Variants in YPEL2 observed in about 807,000 individuals in gnomAD.
The protein encoded by YPEL2 is protein yippee-like 2.
Under a neutral mutation model 19.1 loss-of-function variants are expected in YPEL2, and 2 were observed. The ratio of observed to expected loss-of-function variants is 0.10; its 90% CI spans 0.04 to 0.33. The LOEUF (loss-of-function observed/expected upper bound fraction) is 0.33. YPEL2 is among the 10% of genes least tolerant of loss of function. The pLI is 1.00. For synonymous variants in YPEL2, 52 were observed against 50.0 expected (o/e 1.04, Z -0.17); for missense variants, 66 against 140.7 (o/e 0.47, Z 2.68).
intron 2 of YPEL2, among the ~76,000 whole-genome samples, chr17:59,372,691 C>T (rs1186747848): frequency 1.3e-5 from 2 of 152,322 alleles, no homozygotes; most frequent in East Asian, 1.9e-4. Flanking sequence ...AGACAATGCT[C>T]ACCACACAAA....
intron 1 of YPEL2, among the ~76,000 whole-genome samples, chr17:59,345,688 A>G (rs1466791768): frequency 1.3e-5 from 2 of 152,142 alleles, no homozygotes; most frequent in African/African-American, 2.4e-5. Context: ...CCGTGAGTCA[A>G]CCTGGGGGAC....
chr17:59,397,240 A>T lies in YPEL2; in HGVS notation c.*50A>T. On this transcript the variant is annotated 3_prime_UTR_variant, in exon 5 of 5. Coordinates refer to ENST00000312655, the MANE Select transcript of YPEL2 (RefSeq NM_001005404.4). The stretch of plus-strand genomic sequence containing the variant: ...TGTCCACGTGAACGCCATTCAACCG[A>T]ACATTCTTCCCAAGCGTGAGAGAGT... 2.1e-6 allele frequency: 3 copies of T among 1,434,836 alleles called. No homozygotes were observed. The highest frequency in any genetic ancestry group is 2.8e-6 in the Non-Finnish European group (3 of 1,053,306). 88.9% of individuals were successfully genotyped at this position (1,434,836 alleles called of 1,614,324 possible). A position where few individuals can be genotyped will look rare whatever the true frequency, so the allele number is the denominator to read the frequency against.
At chr17:59,383,874 G>A (rs749808280) in intron 2 of YPEL2, among the ~76,000 whole-genome samples, 1 of 151,784 alleles carries the variant, frequency 6.6e-6, no homozygotes, top group African/African-American at 2.4e-5. Flanking sequence ...TTATTACAGA[G>A]TAGTAGTATA....
chr17:59,343,479 T>C (rs2047741733), intron 1 of YPEL2, among the ~76,000 whole-genome samples: 1 of 152,060 alleles, frequency 6.6e-6, no homozygotes, highest in African/African-American at 2.4e-5. Flanking sequence ...AAATTAAGTT[T>C]TTTGTGTGCT....
intron 4 of YPEL2, among the ~76,000 whole-genome samples, chr17:59,390,422 G>A (rs796791308): frequency 1.3e-5 from 2 of 152,126 alleles, no homozygotes; most frequent in African/African-American, 4.8e-5. Context: ...GATTATAGGC[G>A]TGAGCCACAC....
chr17:59,344,340 A>G (rs1467068390), intron 1 of YPEL2, among the ~76,000 whole-genome samples: 2 of 152,322 alleles, frequency 1.3e-5, no homozygotes, highest in Admixed American at 6.5e-5. Flanking sequence ...TGGAAGGAGA[A>G]CAGCCGGGGA....
intron 1 of YPEL2, among the ~76,000 whole-genome samples, chr17:59,333,490 C>G (rs1013609964): frequency 5.3e-5 from 8 of 152,184 alleles, no homozygotes; most frequent in Non-Finnish European, 1.0e-4. Context: ...TCCTTCTTCC[C>G]TCTAGGAGCA....
intron 4 of YPEL2, among the ~76,000 whole-genome samples, chr17:59,393,746 T>C (rs2048021236): frequency 6.7e-6 from 1 of 149,266 alleles, no homozygotes; most frequent in African/African-American, 2.5e-5. Flanking sequence ...AAGCATCTGT[T>C]TAACAAAGCA....
At position 59,361,295 on chromosome 17, in the gene YPEL2, CTGTG is replaced by C. The variant is rs145880329; in HGVS notation, c.117+7778_117+7781del. Among the ~76,000 whole-genome samples the C allele has an allele frequency of 5.3e-5, 8 of 152,090 alleles. No individual in the cohort carries two copies. The South Asian group carries it at 8.3e-4, about 16-fold the overall frequency. ...TTTGCACAAATACTAATTACGTACTCTGTGTGTGTGTGCGCGTGCATGCACATAG... is the reference window on the plus strand; with the variant it reads ...TTTGCACAAATACTAATTACGTACTCTGTGTGTGCGCGTGCATGCACATAG... On this transcript the variant is annotated intron_variant, in intron 2 of 4. Coordinates refer to ENST00000312655, the MANE Select transcript of YPEL2 (RefSeq NM_001005404.4).
intron 4 of YPEL2, among the ~76,000 whole-genome samples, chr17:59,394,058 C>T (rs1007817165): frequency 1.7e-4 from 26 of 152,274 alleles, no homozygotes; most frequent in African/African-American, 5.5e-4. Context: ...GGTGGCCGGG[C>T]AGAGGGGCTT....
intron 2 of YPEL2, among the ~76,000 whole-genome samples, chr17:59,373,280 T>A (rs759360837): frequency 4.8e-4 from 73 of 152,184 alleles, no homozygotes; most frequent in Non-Finnish European, 9.0e-4. Flanking sequence ...TGAGGAGTCC[T>A]TAGCAGCAAA....
chr17:59,381,159 A>G (rs2047947063), intron 2 of YPEL2, among the ~76,000 whole-genome samples: 1 of 152,254 alleles, frequency 6.6e-6, no homozygotes, highest in African/African-American at 2.4e-5. Context: ...TGACTCTTCC[A>G]GGGTCAAGTA....
chr17:59,371,241 A>G (rs915146887), intron 2 of YPEL2, among the ~76,000 whole-genome samples: 3 of 152,146 alleles, frequency 2.0e-5, no homozygotes. Flanking sequence ...AGCTTCTAAC[A>G]GTAGGGAAGG....
At chr17:59,396,049 C>T (rs1293708729) in intron 4 of YPEL2, among the ~76,000 whole-genome samples, 1 of 152,112 alleles carries the variant, frequency 6.6e-6, no homozygotes, top group East Asian at 1.9e-4. Context: ...CCACTGCACT[C>T]CAGCCTGGGC....
At position 59,397,327 on chromosome 17, in the gene YPEL2, C is replaced by T. The variant is rs367641230; in HGVS notation, c.*137C>T. On this transcript the variant is annotated 3_prime_UTR_variant, in exon 5 of 5. Coordinates refer to ENST00000312655, the MANE Select transcript of YPEL2 (RefSeq NM_001005404.4). ...CATCCGGGGCATCCTCCCACCCTGACGCCATCTTTCTGGTGACCGGCCTCT... is the reference window on the plus strand; with the variant it reads ...CATCCGGGGCATCCTCCCACCCTGATGCCATCTTTCTGGTGACCGGCCTCT... 106 of 525,426 alleles carry T rather than the reference C, an allele frequency of 2.0e-4. No homozygotes were observed. The South Asian group carries it at 3.5e-3, about 17-fold the overall frequency. The allele number at this position is 525,426 out of a possible 1,614,324, so 32.5% of individuals were successfully genotyped here. A position where few individuals can be genotyped will look rare whatever the true frequency, so the allele number is the denominator to read the frequency against.
intron 1 of YPEL2, among the ~76,000 whole-genome samples, chr17:59,336,354 T>C (rs1429559745): frequency 1.3e-5 from 2 of 152,214 alleles, no homozygotes; most frequent in African/African-American, 4.8e-5. Context: ...AACTCTTACC[T>C]ACCCCAGTAA....
Position 59,353,141 on chromosome 17 carries a change from A to C in YPEL2, c.-195-74A>C. 1 of 300,762 alleles carries C rather than the reference A, an allele frequency of 3.3e-6. No homozygotes were observed. Among genetic ancestry groups the C allele is most frequent in the South Asian group, 8.2e-5 (1 of 12,130 alleles). The allele number at this position is 300,762 out of a possible 1,614,324, so 18.6% of individuals were successfully genotyped here. ...CAGTGTTGCCTTCTTCATGGGTGGC[A>C]GTTGGATTCTGCTTGCTTTGTAGGG... On this transcript the variant is annotated intron_variant, in intron 1 of 4. Coordinates refer to ENST00000312655, the MANE Select transcript of YPEL2 (RefSeq NM_001005404.4). The surrounding 1 kb of genome is among the most constrained non-coding windows in gnomAD (Gnocchi z 4.8).
At chr17:59,345,576 G>C (rs903950071) in intron 1 of YPEL2, among the ~76,000 whole-genome samples, 1 of 152,056 alleles carries the variant, frequency 6.6e-6, no homozygotes, top group Non-Finnish European at 1.5e-5. Flanking sequence ...TCTGTGTTAG[G>C]AATGACAGCA....
At chr17:59,338,449 A>G (rs1428721981) in intron 1 of YPEL2, among the ~76,000 whole-genome samples, 1 of 152,244 alleles carries the variant, frequency 6.6e-6, no homozygotes, top group Non-Finnish European at 1.5e-5. Context: ...TGAGGCAAAT[A>G]AGTGTAGGCA....
Sources: gnomAD v4.1 joint callset for allele counts (sites outside exome capture counted in the v4.1 genomes callset) on GRCh38, gnomAD v4.1.1 for gene constraint, Gnocchi (gnomAD v3.1) non-coding constraint, MANE v1.5 for transcripts, NCBI Gene and HGNC (gene_info 2026-07-23, HGNC 2026-07-21) for gene names.